SLC39A5: variants seen among roughly 807,000 people sequenced by gnomAD.
SLC39A5 encodes zinc transporter ZIP5.
Under a neutral mutation model 46.9 loss-of-function variants are expected in SLC39A5, and 42 were observed. The observed-to-expected ratio is 0.90, with a 90% CI of 0.70 to 1.16. The LOEUF is 1.16. SLC39A5 is among the 50% of genes most tolerant of loss of function. SLC39A5 has a pLI of 0.00. For synonymous variants in SLC39A5, 311 were observed against 323.1 expected (o/e 0.96, Z 0.40); for missense variants, 677 against 686.8 (o/e 0.99, Z 0.16).
Position 56,237,347 on chromosome 12 carries a change from G to C in SLC39A5, c.1479+7G>C, listed in dbSNP as rs752898287. On this transcript the variant is annotated splice_region_variant and intron_variant, in intron 12 of 12. Coordinates refer to ENST00000454355, the MANE Select transcript of SLC39A5 (RefSeq NM_173596.3). ...TGTGGCCCTTGTGGACATGGTGAGA[G>C]ATGTCGGGTAGAGCAGAGAAATCAA... The C allele has an allele frequency of 6.3e-7, 1 of 1,580,186 alleles. No homozygotes were observed. Among genetic ancestry groups the C allele is most frequent in the Non-Finnish European group, 8.6e-7 (1 of 1,161,938 alleles).
intron 5 of SLC39A5, among the ~76,000 whole-genome samples, chr12:56,233,750 C>T (rs1870463506): frequency 6.6e-6 from 1 of 152,222 alleles, no homozygotes; most frequent in South Asian, 2.1e-4. Flanking sequence ...AGCTGCCTAA[C>T]CCTGATGGAG....
In SLC39A5 at chr12:56,232,761, G is replaced by A; in HGVS notation, c.360G>A (p.Leu120=). The change falls in exon 5 of 13, where the codon CTG becomes CTA. Residue 120 remains leucine (L), a synonymous_variant. Transcript: ENST00000454355. ...MPLGPSGWGD[L]EESKAPHLPR... ...TGGGTCCCTCAGGGTGGGGTGACCT[G>A]GAAGAGTCAAAGGCCCCTCACCTAC... 6.2e-7 allele frequency: 1 copy of A among 1,612,748 alleles called. No individual in the cohort carries two copies. The highest frequency in any genetic ancestry group is 1.1e-5 in the South Asian group (1 of 90,930).
In SLC39A5 at chr12:56,231,281, G is replaced by C; in HGVS notation, c.7G>C (p.Gly3Arg). ...TAAGCTATTCCCCTCACCAATGATG[G>C]GGTCCCCAGTGAGTCATCTGCTGGC... is the stretch of plus-strand genomic sequence containing the variant. MM[G>R]SPVSHLLAGF... The change falls in exon 4 of 13, where the codon GGG (glycine) becomes CGG (arginine). Residue 3 changes from glycine to arginine, a missense_variant. Gly to Arg is a moderately radical substitution (Grantham distance 125, BLOSUM62 -2). Transcript: ENST00000454355. 2 of 1,603,134 alleles carry C rather than the reference G, an allele frequency of 1.2e-6. No homozygotes were observed. Among genetic ancestry groups the C allele is most frequent in the East Asian group, 2.2e-5 (1 of 44,706 alleles).
rs1285429161 is a variant in SLC39A5 at position 56,235,781 on chromosome 12, A to T, written c.945+81A>T. ...TGGGCCAGGCCGGGCGCGGTGGCTC[A>T]CGCCTGTAATCCCAGCACTTTGGGA... On this transcript the variant is annotated intron_variant, in intron 8 of 12. Transcript: ENST00000454355. 3 of 1,582,624 alleles carry T rather than the reference A, an allele frequency of 1.9e-6. No homozygotes were observed. In the Admixed American group the frequency reaches 5.2e-5, roughly 27 times the overall value.
At chr12:56,232,612 TA>T in intron 4 of SLC39A5, 76 bp from the exon 5 acceptor site, 2 of 1,381,856 alleles carry the variant, frequency 1.4e-6, no homozygotes, top group Admixed American at 2.8e-5. Flanking sequence ...CCATTCCCCC[TA>T]AAATCCCTGG....
rs1870805912 is a variant in SLC39A5, at chr12:56,236,676, T to TGGC, written c.1138_1140dup (p.Gly380dup). ...AAGGCCACAGTCATGGGCACCAGGG[T>TGGC]GGCACTGATATCACGTGGATGGTCC... On this transcript the variant is annotated inframe_insertion, in exon 10 of 13. Coordinates refer to ENST00000454355, the MANE Select transcript of SLC39A5 (RefSeq NM_173596.3). 6.2e-7 allele frequency: 1 copy of TGGC among 1,613,358 alleles called. No homozygotes were observed. The highest frequency in any genetic ancestry group is 8.5e-7 in the Non-Finnish European group (1 of 1,179,658).
rs769076351 is a variant in SLC39A5, at chr12:56,236,671, C to G, written c.1132C>G (p.Gln378Glu). The G allele has an allele frequency of 6.2e-7, 1 of 1,613,616 alleles. No homozygotes were observed. Among genetic ancestry groups the G allele is most frequent in the Non-Finnish European group, 8.5e-7 (1 of 1,179,698 alleles). The change falls in exon 10 of 13, where the codon CAG becomes GAG. Residue 378 changes from glutamine (Q) to glutamate (E), a missense_variant. Gln to Glu is a conservative substitution (Grantham distance 29). Coordinates refer to ENST00000454355, the MANE Select transcript of SLC39A5 (RefSeq NM_173596.3). ...PGHQGHSHGHQGGTDITWMVL... is the reference protein window; with the variant it reads ...PGHQGHSHGHEGGTDITWMVL... ...GCACCAAGGCCACAGTCATGGGCAC[C>G]AGGGTGGCACTGATATCACGTGGAT...
At chr12:56,234,650 AG>A (rs1870550048) in intron 5 of SLC39A5, among the ~76,000 whole-genome samples, 173 bp from the exon 6 acceptor site, 1 of 152,044 alleles carries the variant, frequency 6.6e-6, no homozygotes, top group Non-Finnish European at 1.5e-5. Flanking sequence ...TAGTAGAGAC[AG>A]GGTTTCACTA....
In SLC39A5 at chr12:56,232,716, T is replaced by C. The variant is rs1431552173; in HGVS notation, c.315T>C (p.Asp105=). 6.8e-6 allele frequency: 11 copies of C among 1,610,758 alleles called. No individual in the cohort carries two copies. The highest frequency in any genetic ancestry group is 1.6e-4 in the Middle Eastern group (1 of 6,070). The change falls in exon 5 of 13, where the codon GAT becomes GAC. Residue 105 remains aspartate (D), a synonymous_variant. Coordinates refer to ENST00000454355, the MANE Select transcript of SLC39A5 (RefSeq NM_173596.3). The part of the protein sequence containing the change: ...HRPQNPELSV[D]VWAGMPLGPS... The stretch of plus-strand genomic sequence containing the variant: ...CACAGAACCCTGAGCTGAGTGTGGA[T>C]GTCTGGGCAGGGATGCCTCTGGGTC...
chr12:56,232,870 G>A lies in SLC39A5; in HGVS notation c.469G>A (p.Asp157Asn). ...DHSLADHLNE[D>N]CLNGSQLLVN... The stretch of plus-strand genomic sequence containing the variant: ...CTCATTGGCTGACCACCTGAATGAG[G>A]ATGTGAGTCTGACGGTCTCTAGAGG... Residue 157 changes from aspartate to asparagine, a missense_variant and splice_region_variant, in exon 5 of 13, where the codon GAT (aspartate) becomes AAT (asparagine). Asp to Asn is a conservative substitution (Grantham distance 23). Transcript: ENST00000454355. 6.2e-7 allele frequency: 1 copy of A among 1,610,214 alleles called. No homozygotes were observed. The highest frequency in any genetic ancestry group is 2.3e-5 in the East Asian group (1 of 44,404).
chr12:56,236,655 CCA>C lies in SLC39A5; in HGVS notation c.1119_1120del (p.His373GlnfsTer9). The C allele has an allele frequency of 6.2e-7, 1 of 1,613,808 alleles. No homozygotes were observed. The highest frequency in any genetic ancestry group is 1.3e-5 in the African/African-American group (1 of 75,058). On this transcript the variant is annotated frameshift_variant, in exon 10 of 13. Coordinates refer to ENST00000454355, the MANE Select transcript of SLC39A5 (RefSeq NM_173596.3). LOFTEE classifies it high-confidence loss of function. Reference protein sequence around the residue: ...PALAPPGHQGHSHGHQGGTDI... With the variant: ...PALAPPGHQGXSHGHQGGTDI... Reference sequence around the variant, plus strand: ...CTCTGGCCCCTCCTGGGCACCAAGGCCACAGTCATGGGCACCAGGGTGGCACT... The same window carrying C: ...CTCTGGCCCCTCCTGGGCACCAAGGCCAGTCATGGGCACCAGGGTGGCACT...
chr12:56,237,316 C>T lies in SLC39A5; in HGVS notation c.1455C>T (p.Phe485=), dbSNP rs759368291. ...PWVFGVTAGV[F]LYVALVDMLP... is the part of the protein sequence containing the mutation. ...TGTTTGGGGTCACTGCTGGGGTCTT[C>T]CTCTATGTGGCCCTTGTGGACATGG... The change falls in exon 12 of 13, where the codon TTC becomes TTT. Residue 485 remains phenylalanine, a synonymous_variant. Transcript: ENST00000454355. 6.2e-7 allele frequency: 1 copy of T among 1,604,924 alleles called. No homozygotes were observed. Among genetic ancestry groups the T allele is most frequent in the South Asian group, 1.1e-5 (1 of 89,742 alleles).
At chr12:56,235,436 C>T (rs1870647069) in intron 7 of SLC39A5, 110 bp downstream of exon 7, 1 of 1,509,600 alleles carries the variant, frequency 6.6e-7, no homozygotes, top group Non-Finnish European at 8.8e-7. Context: ...ACTCCCAGAT[C>T]CTGGCTTCAG....
At chr12:56,235,850 C>T in intron 8 of SLC39A5, 150 bp downstream of exon 8, 1 of 986,180 alleles carries the variant, frequency 1.0e-6, no homozygotes, top group South Asian at 1.4e-5. Context: ...CGAGTCCAGC[C>T]TGACCAACAT....
chr12:56,232,883 C>T lies in SLC39A5; in HGVS notation c.471+11C>T, dbSNP rs778145948. 5 of 1,605,050 alleles carry T rather than the reference C, an allele frequency of 3.1e-6. No homozygotes were observed. The highest frequency in any genetic ancestry group is 1.3e-5 in the African/African-American group (1 of 74,346). ...CACCTGAATGAGGATGTGAGTCTGA[C>T]GGTCTCTAGAGGGGAAGGAGCCATG... is the stretch of plus-strand genomic sequence containing the variant. On this transcript the variant is annotated intron_variant, in intron 5 of 12. Coordinates refer to ENST00000454355, the MANE Select transcript of SLC39A5 (RefSeq NM_173596.3).
At chr12:56,237,566 T>G (rs1244070860) in intron 12 of SLC39A5, 22 bp from the exon 13 acceptor site, 1 of 1,613,714 alleles carries the variant, frequency 6.2e-7, no homozygotes. Flanking sequence ...GCCAGAATCC[T>G]GACATCCTCT....
At position 56,231,565 on chromosome 12, in the gene SLC39A5, C is replaced by T. The variant is rs772254496; in HGVS notation, c.287+4C>T. 1.3e-6 allele frequency: 2 copies of T among 1,533,956 alleles called. No homozygotes were observed. The highest frequency in any genetic ancestry group is 2.8e-5 in the African/African-American group (2 of 72,712). On this transcript the variant is annotated splice_donor_region_variant and intron_variant, in intron 4 of 12. Transcript: ENST00000454355. ...CTGCAGACAATTCCACACACAGGTACTGACCCCTTCCTCCACTCCACAGGG... is the reference window on the plus strand; with the variant it reads ...CTGCAGACAATTCCACACACAGGTATTGACCCCTTCCTCCACTCCACAGGG...
intron 5 of SLC39A5, 116 bp downstream of exon 5, chr12:56,232,988 G>A (rs547700152): frequency 1.5e-5 from 16 of 1,097,062 alleles, no homozygotes; most frequent in South Asian, 3.1e-5. Flanking sequence ...TGGACCAAGC[G>A]TGGTGGCTCA....
Position 56,234,913 on chromosome 12 carries a change from C to A in SLC39A5, c.561C>A (p.Ala187=), listed in dbSNP as rs764587045. 1 of 1,613,920 alleles carries A rather than the reference C, an allele frequency of 6.2e-7. No homozygotes were observed. The highest frequency in any genetic ancestry group is 1.7e-5 in the Admixed American group (1 of 60,032). The part of the protein sequence containing the change: ...TPRQFALLCP[A]LLYQIDSRVC... The stretch of plus-strand genomic sequence containing the variant: ...GTCAGTTTGCTCTGCTGTGCCCAGC[C>A]CTGCTTTATCAGATCGACAGCCGCG... The change falls in exon 6 of 13, where the codon GCC becomes GCA. Residue 187 remains alanine (A), a synonymous_variant. Transcript: ENST00000454355.
Sources: gnomAD v4.1 joint callset for allele counts (sites outside exome capture counted in the v4.1 genomes callset) on GRCh38, gnomAD v4.1.1 for gene constraint, MANE v1.5 for transcripts, NCBI Gene and HGNC (gene_info 2026-07-23, HGNC 2026-07-21) for gene names.